RRH: variants seen among roughly 807,000 people sequenced by gnomAD.
The protein encoded by RRH is retinal pigment epithelium-derived rhodopsin homolog.
Under a neutral mutation model 33.1 loss-of-function variants are expected in RRH, and 36 were observed. That is an observed-to-expected ratio of 1.09 (90% CI 0.83 to 1.44). The LOEUF (loss-of-function observed/expected upper bound fraction) is 1.44. Among genes scored for constraint, RRH ranks in the 40% most tolerant of loss-of-function variants. RRH has a pLI of 0.00. For synonymous variants in RRH, 124 were observed against 140.2 expected (o/e 0.88, Z 0.82); for missense variants, 393 against 420.2 (o/e 0.94, Z 0.57).
chr4:109,829,075 CTT>C (rs1733695614), intron 1 of RRH, among the ~76,000 whole-genome samples: 1 of 152,182 alleles, frequency 6.6e-6, no homozygotes, highest in African/African-American at 2.4e-5. Context: ...AGAAGTAACT[CTT>C]ATATTGAGTT....
chr4:109,834,635 G>A (rs1452025614), intron 2 of RRH, among the ~76,000 whole-genome samples: 16 of 142,890 alleles, frequency 1.1e-4, no homozygotes, highest in East Asian at 2.3e-4. Context: ...GAGCCACTGC[G>A]CCCGGACCCC....
chr4:109,833,641 A>G (rs899171855), intron 2 of RRH, among the ~76,000 whole-genome samples: 3 of 152,232 alleles, frequency 2.0e-5, no homozygotes, highest in Non-Finnish European at 2.9e-5. Flanking sequence ...ATTAAAAAAA[A>G]TAACCTGCTT....
Position 109,836,067 on chromosome 4 carries a change from T to C in RRH, c.458T>C (p.Leu153Pro), listed in dbSNP as rs1032157674. ...ATTCTGGGAGCCTGGATCAATGGCC[T>C]GTTTTGGGCTTTGATGCCTATCATA... ...GLILGAWING[L>P]FWALMPIIGW... Residue 153 changes from leucine to proline, a missense_variant, in exon 4 of 7, where the codon CTG (leucine) becomes CCG (proline). Coordinates refer to ENST00000317735, the MANE Select transcript of RRH (RefSeq NM_006583.5). 1 of 1,614,042 alleles carries C rather than the reference T, an allele frequency of 6.2e-7. No homozygotes were observed. Among genetic ancestry groups the C allele is most frequent in the Non-Finnish European group, 8.5e-7 (1 of 1,179,998 alleles).
chr4:109,837,367 A>G (rs1269496628), intron 4 of RRH, 70 bp from the exon 5 acceptor site: 7 of 1,218,536 alleles, frequency 5.7e-6, no homozygotes, highest in African/African-American at 1.5e-5. Context: ...TTTAATAATT[A>G]TCTCCTCTTT....
intron 5 of RRH, among the ~76,000 whole-genome samples, chr4:109,839,910 A>G (rs962335675): frequency 6.6e-6 from 1 of 152,184 alleles, no homozygotes; most frequent in Admixed American, 6.5e-5. Context: ...GCTATTGTGA[A>G]TAGTGCTGCA....
chr4:109,842,623 G>C lies in RRH; in HGVS notation c.875G>C (p.Cys292Ser), dbSNP rs1258167856. The change falls in exon 6 of 7, where the codon TGC (cysteine) becomes TCC (serine). Residue 292 changes from cysteine to serine, a missense_variant. Coordinates refer to ENST00000317735, the MANE Select transcript of RRH (RefSeq NM_006583.5). ...AAATCTTCTACATTCTATAACCCCT[G>C]CATTTATGTGGTTGCTAATAAAAAG... ...FAKSSTFYNP[C>S]IYVVANKKFR... 1 of 1,613,762 alleles carries C rather than the reference G, an allele frequency of 6.2e-7. No individual in the cohort carries two copies. The highest frequency in any genetic ancestry group is 1.7e-5 in the Admixed American group (1 of 60,014).
intron 5 of RRH, among the ~76,000 whole-genome samples, chr4:109,841,680 A>G (rs779596131): frequency 5.3e-5 from 8 of 151,876 alleles, no homozygotes; most frequent in Non-Finnish European, 1.0e-4. Flanking sequence ...ACGTTTATTT[A>G]TTTACTTATT....
rs1433735257 is a variant in RRH at position 109,842,644 on chromosome 4, A to G, written c.896A>G (p.Lys299Arg). The change falls in exon 6 of 7, where the codon AAA (lysine) becomes AGA (arginine). Residue 299 changes from lysine (K) to arginine (R), a missense_variant. Physicochemically the swap from Lys to Arg is conservative, Grantham distance 26 (BLOSUM62 2). Coordinates refer to ENST00000317735, the MANE Select transcript of RRH (RefSeq NM_006583.5). ...CCCTGCATTTATGTGGTTGCTAATA[A>G]AAAGTAAGTAATGTCTAAAATGCTT... ...YNPCIYVVAN[K>R]KFRRAMLAMF... 18 of 1,610,660 alleles carry G rather than the reference A, an allele frequency of 1.1e-5. No individual in the cohort carries two copies. The highest frequency in any genetic ancestry group is 1.5e-5 in the Non-Finnish European group (18 of 1,176,944).
At chr4:109,836,207 C>T (rs1384005509) in intron 4 of RRH, 47 bp downstream of exon 4, 1 of 1,588,478 alleles carries the variant, frequency 6.3e-7, no homozygotes, top group East Asian at 2.2e-5. Flanking sequence ...CTAATGTAGA[C>T]ATTTTCTCAC....
intron 5 of RRH, among the ~76,000 whole-genome samples, chr4:109,842,087 T>C (rs1733995278): frequency 6.6e-6 from 1 of 152,142 alleles, no homozygotes; most frequent in African/African-American, 2.4e-5. Context: ...ATAATAATAA[T>C]AGCCATGCCA....
At chr4:109,842,162 C>A (rs549116611) in intron 5 of RRH, among the ~76,000 whole-genome samples, 5 of 152,114 alleles carry the variant, frequency 3.3e-5, no homozygotes, top group African/African-American at 1.2e-4. Flanking sequence ...TCATCAAAGT[C>A]AGCTTTTGTA....
chr4:109,840,157 A>G (rs868605432), intron 5 of RRH, among the ~76,000 whole-genome samples: 15 of 151,656 alleles, frequency 9.9e-5, no homozygotes, highest in African/African-American at 3.6e-4. Context: ...ATTAGCAGCT[A>G]TTCTGACTGG....
chr4:109,828,584 G>C (rs1733685788), intron 1 of RRH, among the ~76,000 whole-genome samples: 1 of 151,790 alleles, frequency 6.6e-6, no homozygotes, highest in Non-Finnish European at 1.5e-5. Context: ...TTTGTTCTTG[G>C]TGGTAGAATT....
intron 1 of RRH, among the ~76,000 whole-genome samples, chr4:109,829,519 C>T (rs538324516): frequency 1.4e-4 from 21 of 151,966 alleles, no homozygotes; most frequent in African/African-American, 4.8e-4. Flanking sequence ...ATCTCTGTAA[C>T]AGTAATAATA....
At chr4:109,843,608 C>T (rs954612667) in intron 6 of RRH, among the ~76,000 whole-genome samples, 29 of 152,296 alleles carry the variant, frequency 1.9e-4, no homozygotes, top group Non-Finnish European at 3.4e-4. Context: ...AAACAGACCA[C>T]ATAAGAAGAA....
chr4:109,838,068 A>G (rs758241849), intron 5 of RRH, among the ~76,000 whole-genome samples: 2 of 152,080 alleles, frequency 1.3e-5, no homozygotes, highest in Non-Finnish European at 2.9e-5. Flanking sequence ...GTGTGAGCCA[A>G]TGCGCCTGGC....
chr4:109,838,073 C>A (rs1456592836), intron 5 of RRH, among the ~76,000 whole-genome samples: 1 of 152,172 alleles, frequency 6.6e-6, no homozygotes, highest in Non-Finnish European at 1.5e-5. Context: ...AGCCAATGCG[C>A]CTGGCCACTT....
chr4:109,834,728 A>G (rs1733843332), intron 2 of RRH, among the ~76,000 whole-genome samples: 1 of 151,986 alleles, frequency 6.6e-6, no homozygotes, highest in Non-Finnish European at 1.5e-5. Flanking sequence ...TTCTTTAGCC[A>G]CATTGCTTAG....
rs137917936 is a variant in RRH at position 109,841,834 on chromosome 4, A to C, written c.721-635A>C. Among the ~76,000 whole-genome samples the C allele has an allele frequency of 3.6e-3, 548 of 152,256 alleles. 5 individuals are homozygous for C. The highest frequency in any genetic ancestry group is 0.013 in the African/African-American group (523 of 41,544). Reference sequence around the variant, plus strand: ...TTAACCTCTGTTCCATAATTTTAGCAGGCAATCTAGGGAAGCAATATAAAA... The same window carrying C: ...TTAACCTCTGTTCCATAATTTTAGCCGGCAATCTAGGGAAGCAATATAAAA... On this transcript the variant is annotated intron_variant, in intron 5 of 6. Transcript: ENST00000317735.
Sources: allele counts gnomAD v4.1 joint callset (sites outside exome capture counted in the v4.1 genomes callset), GRCh38; gene constraint gnomAD v4.1.1; transcripts MANE v1.5; gene names NCBI Gene and HGNC (gene_info 2026-07-23, HGNC 2026-07-21).